The following GLB1 variants were observed in gnomAD, a reference collection of about 807,000 sequenced individuals.
GLB1 encodes the protein beta-galactosidase.
In GLB1, 56 loss-of-function variants were observed where a neutral mutation model predicts 74.0. The observed-to-expected ratio is 0.76, with a 90% CI of 0.61 to 0.94. GLB1 has a LOEUF of 0.94. Among genes scored for constraint, GLB1 ranks in the 40% least tolerant of loss-of-function variants. GLB1 has a pLI of 0.00. For missense variants in GLB1, 787 were observed against 845.5 expected, an observed-to-expected ratio of 0.93 and a Z score of 0.86; for synonymous variants, 323 against 323.6, an observed-to-expected ratio of 1.00 and a Z score of 0.02.
the GLB1 span, among the ~76,000 whole-genome samples, chr3:32,981,090 C>CAAAA: frequency 6.0e-4 from 28 of 46,298 alleles, no homozygotes; most frequent in Admixed American, 1.2e-3. Context: ...GACTCCGTCT[C>CAAAA]AAAAAAAAAA....
chr3:33,041,819 A>T (rs1468371194), intron 10 of GLB1, among the ~76,000 whole-genome samples: 1 of 152,090 alleles, frequency 6.6e-6, no homozygotes, highest in Non-Finnish European at 1.5e-5. Context: ...AGATAAAGAA[A>T]AGTGTGGTCC....
intron 12 of GLB1, among the ~76,000 whole-genome samples, chr3:33,019,634 T>C (rs1198037210): frequency 6.6e-6 from 1 of 152,176 alleles, no homozygotes; most frequent in Non-Finnish European, 1.5e-5. Flanking sequence ...ACAAACCTTC[T>C]AGCGCAAGAA....
At chr3:33,057,728 G>C (rs762302925) in intron 6 of GLB1, among the ~76,000 whole-genome samples, 3 of 152,210 alleles carry the variant, frequency 2.0e-5, no homozygotes, top group African/African-American at 7.2e-5. Flanking sequence ...AGAAAGAGCA[G>C]AGAAGCGCGC....
chr3:33,035,932 A>C (rs932862324), intron 10 of GLB1, among the ~76,000 whole-genome samples: 3 of 152,220 alleles, frequency 2.0e-5, no homozygotes, highest in African/African-American at 7.2e-5. Context: ...TGGTGTATTC[A>C]ATAGCATTTA....
intron 10 of GLB1, chr3:33,034,147 G>A: frequency 1.6e-6 from 1 of 623,500 alleles, no homozygotes; most frequent in South Asian, 1.7e-5. Context: ...CCTGGGAGAA[G>A]ACCCACGACC....
intron 12 of GLB1, among the ~76,000 whole-genome samples, chr3:33,020,163 G>A (rs151151422): frequency 1.0e-3 from 156 of 152,254 alleles, no homozygotes; most frequent in African/African-American, 3.5e-3. Context: ...CCTATACAAC[G>A]TTCATGAAAC....
the GLB1 span, among the ~76,000 whole-genome samples, chr3:32,990,038 T>C: frequency 6.6e-6 from 1 of 152,206 alleles, no homozygotes; most frequent in Admixed American, 6.5e-5. Flanking sequence ...AACCAATTTT[T>C]CAGGATACTA....
rs77630738 is a variant in GLB1, at chr3:33,075,062, G to A, written c.76-2349C>T. 3.8e-3 allele frequency among the ~76,000 whole-genome samples: 579 copies of A among 152,268 alleles called. 6 individuals carry two copies. The highest frequency in any genetic ancestry group is 0.013 in the African/African-American group (536 of 41,566). On this transcript the variant is annotated intron_variant, in intron 1 of 15. Transcript: ENST00000307363. ...TCACTTTATTCTTCTAGTAAATAAG[G>A]TTTTAATTTCTGTTCAAAGGAAAAG...
intron 10 of GLB1, among the ~76,000 whole-genome samples, chr3:33,040,042 A>G (rs923784820): frequency 2.0e-5 from 3 of 152,234 alleles, no homozygotes; most frequent in Admixed American, 6.5e-5. Flanking sequence ...TAGCTTAGAC[A>G]TAACATCTAT....
intron 10 of GLB1, among the ~76,000 whole-genome samples, chr3:33,041,384 G>A (rs1698491786): frequency 6.6e-6 from 1 of 152,146 alleles, no homozygotes; most frequent in South Asian, 2.1e-4. Context: ...ATTTGAGGCC[G>A]GGCATGGTGG....
At chr3:33,062,213 G>A (rs557400850) in intron 5 of GLB1, among the ~76,000 whole-genome samples, 1 of 152,126 alleles carries the variant, frequency 6.6e-6, no homozygotes, top group Admixed American at 6.5e-5. Flanking sequence ...GCCCAGGCTG[G>A]AGTGCAGTGA....
At chr3:32,986,852 A>T in the GLB1 span, among the ~76,000 whole-genome samples, 2 of 152,046 alleles carry the variant, frequency 1.3e-5, no homozygotes, top group African/African-American at 4.8e-5. Flanking sequence ...TCGCCTCCCA[A>T]ACTGCTGGGA....
At chr3:33,021,156 G>T (rs142013502) in intron 12 of GLB1, 82 of 196,450 alleles carry the variant, frequency 4.2e-4, no homozygotes, top group African/African-American at 1.8e-3. Flanking sequence ...GAATCTCAAA[G>T]AACCTAGTCT....
At chr3:33,092,733 T>C in intron 1 of GLB1, 1 of 1,498,888 alleles carries the variant, frequency 6.7e-7, no homozygotes, top group East Asian at 2.3e-5. Flanking sequence ...TAGGCAAGGA[T>C]GAGTGGGCAA....
At chr3:32,984,848 A>G in the GLB1 span, among the ~76,000 whole-genome samples, 1 of 152,158 alleles carries the variant, frequency 6.6e-6, no homozygotes, top group Admixed American at 6.5e-5. Flanking sequence ...AGGCTGAGGC[A>G]GGAGAATCAC....
chr3:33,048,361 C>T (rs1304037290), intron 9 of GLB1, among the ~76,000 whole-genome samples: 1 of 152,208 alleles, frequency 6.6e-6, no homozygotes, highest in Non-Finnish European at 1.5e-5. Context: ...TTCAAGCCTC[C>T]TCTGGCCACT....
rs1575471316 is a variant in GLB1, at chr3:33,068,298, A to G, written c.397-8T>C. The G allele has an allele frequency of 6.2e-7, 1 of 1,614,006 alleles. No individual in the cohort carries two copies. On this transcript the variant is annotated splice_polypyrimidine_tract_variant and splice_region_variant and intron_variant, in intron 3 of 15. Transcript: ENST00000307363. ...CCAAGCAGGTAATCCTCCCTAGTTC[A>G]GGGAAAACAAGCCATTATAATGTCT...
chr3:33,049,325 C>T (rs1045912986), intron 9 of GLB1, among the ~76,000 whole-genome samples: 3 of 147,692 alleles, frequency 2.0e-5, no homozygotes, highest in Admixed American at 6.8e-5. Context: ...AATTTAAGTT[C>T]CGGGATATAT....
intron 2 of GLB1, among the ~76,000 whole-genome samples, chr3:33,069,286 T>C (rs1268700960): frequency 6.6e-6 from 1 of 151,922 alleles, no homozygotes; most frequent in Non-Finnish European, 1.5e-5. Flanking sequence ...CCTGGAGGCT[T>C]GAGGTGGAGG....
Sources: allele counts gnomAD v4.1 joint callset (sites outside exome capture counted in the v4.1 genomes callset), GRCh38; gene constraint gnomAD v4.1.1; transcripts MANE v1.5; gene names NCBI Gene and HGNC (gene_info 2026-07-23, HGNC 2026-07-21).